The following THSD4 variants were observed in gnomAD, a reference collection of about 807,000 sequenced individuals.
THSD4 encodes thrombospondin type-1 domain-containing protein 4.
A neutral mutation model predicts 119.0 loss-of-function variants in THSD4; 69 were observed. That is an observed-to-expected ratio of 0.58 (90% confidence interval 0.48 to 0.71). The LOEUF is 0.71. Among genes scored for constraint, THSD4 ranks in the 30% least tolerant of loss-of-function variants. The pLI, the probability that THSD4 is intolerant of heterozygous loss-of-function variation, is 0.00. For synonymous variants in THSD4, 524 were observed against 540.4 expected, an observed-to-expected ratio of 0.97 and a Z score of 0.42; for missense variants, 1,393 against 1,391.1, an observed-to-expected ratio of 1.00 and a Z score of -0.02.
chr15:71,384,941 C>A (rs1197012577), intron 6 of THSD4, among the ~76,000 whole-genome samples: 1 of 152,196 alleles, frequency 6.6e-6, no homozygotes, highest in Non-Finnish European at 1.5e-5. Context: ...AATGATTTTT[C>A]TTTACCTAAA....
chr15:71,272,246 CAA>C (rs2044538872), intron 6 of THSD4, among the ~76,000 whole-genome samples: 3 of 151,236 alleles, frequency 2.0e-5, no homozygotes, highest in African/African-American at 7.3e-5. Flanking sequence ...AGTAAAAATA[CAA>C]AAATTAGCCA....
chr15:71,136,387 G>A (rs2040552509), intron 1 of THSD4, among the ~76,000 whole-genome samples: 1 of 152,132 alleles, frequency 6.6e-6, no homozygotes, highest in Admixed American at 6.5e-5. Context: ...GGACAGGAGA[G>A]CATATTGGTG....
chr15:71,570,469 C>T (rs765762214), intron 7 of THSD4, among the ~76,000 whole-genome samples: 13 of 151,642 alleles, frequency 8.6e-5, no homozygotes, highest in Non-Finnish European at 1.6e-4. Context: ...TACAGTGGCG[C>T]CATCTAGGCT....
At chr15:71,727,517 A>G (rs1339332502) in intron 8 of THSD4, among the ~76,000 whole-genome samples, 5 of 142,934 alleles carry the variant, frequency 3.5e-5, no homozygotes, top group Non-Finnish European at 7.5e-5. Context: ...GCAACATGGC[A>G]AAACCCCATC....
At chr15:71,683,299 A>G (rs959445123) in intron 8 of THSD4, among the ~76,000 whole-genome samples, 3 of 151,948 alleles carry the variant, frequency 2.0e-5, no homozygotes, top group African/African-American at 7.3e-5. Context: ...TGTCATATGT[A>G]AGGAAAAAAA....
At chr15:71,165,570 T>C (rs1161038017) in intron 3 of THSD4, among the ~76,000 whole-genome samples, 5 of 152,282 alleles carry the variant, frequency 3.3e-5, no homozygotes, top group South Asian at 2.1e-4. Context: ...GCCTTTTTCC[T>C]GTAAATGGAT....
chr15:71,670,764 C>A (rs2051509680), intron 8 of THSD4, among the ~76,000 whole-genome samples: 1 of 151,908 alleles, frequency 6.6e-6, no homozygotes, highest in African/African-American at 2.4e-5. Context: ...TCTGTCCTTG[C>A]AATAGTTTGC....
At chr15:71,633,371 G>C (rs758324368) in intron 7 of THSD4, among the ~76,000 whole-genome samples, 1 of 148,106 alleles carries the variant, frequency 6.8e-6, no homozygotes, top group Non-Finnish European at 1.5e-5. Context: ...GACCTACTGG[G>C]TTCAAGCCAT....
intron 7 of THSD4, among the ~76,000 whole-genome samples, chr15:71,437,631 C>A (rs901325164): frequency 1.3e-5 from 2 of 152,106 alleles, no homozygotes; most frequent in Non-Finnish European, 2.9e-5. Context: ...TGTTAAAGTG[C>A]TATATTTTCG....
In THSD4 at chr15:71,666,093, C is replaced by A. The variant is rs2051412354; in HGVS notation, c.1357+5359C>A. 3.9e-5 allele frequency among the ~76,000 whole-genome samples: 6 copies of A among 152,184 alleles called. No individual in the cohort carries two copies. The South Asian group carries it at 1.2e-3, about 32-fold the overall frequency. On this transcript the variant is annotated intron_variant, in intron 8 of 17. Transcript: ENST00000261862. ...CATTGAATCTGTAAATTGCTTTGGG[C>A]AGTATAGCCATTTTAATGATATTGG... is the stretch of plus-strand genomic sequence containing the variant.
chr15:71,127,984 G>C (rs372593614), intron 1 of THSD4, among the ~76,000 whole-genome samples: 3 of 152,042 alleles, frequency 2.0e-5, no homozygotes, highest in Admixed American at 2.0e-4. Flanking sequence ...CCAGGCCAGC[G>C]TCTTGTAGTA....
Position 71,737,788 on chromosome 15 carries a change from C to T in THSD4, c.1687C>T (p.Gln563Ter). The T allele has an allele frequency of 6.2e-7, 1 of 1,614,022 alleles. No individual in the cohort carries two copies. The change falls in exon 11 of 18, where the codon CAG becomes TAG. Residue 563 changes from glutamine (Q) to a stop codon, truncating the protein, a stop_gained. Transcript: ENST00000261862. LOFTEE classifies it high-confidence loss of function. ...TEGRSQEEGE[Q>*]KGRNEEKEDL... ...AGGCAGGAGCCAGGAGGAGGGAGAA[C>T]AGAAAGGGAGGAACGAGGAGAAGGA...
chr15:71,741,350 G>A (rs1052983138), intron 11 of THSD4, among the ~76,000 whole-genome samples: 3 of 152,000 alleles, frequency 2.0e-5, no homozygotes, highest in Non-Finnish European at 2.9e-5. Flanking sequence ...AAAATTATCT[G>A]GGCATGGTGA....
chr15:71,199,603 GGT>G (rs1414717826), intron 3 of THSD4, among the ~76,000 whole-genome samples: 1 of 129,664 alleles, frequency 7.7e-6, no homozygotes, highest in Non-Finnish European at 1.6e-5. Context: ...TGTGATGTAT[GGT>G]GTGTGTGGTG....
intron 11 of THSD4, among the ~76,000 whole-genome samples, chr15:71,740,373 G>A (rs146475653): frequency 6.3e-4 from 96 of 152,268 alleles, no homozygotes; most frequent in African/African-American, 2.1e-3. Flanking sequence ...TCTACCTTTA[G>A]GTAATGTGTG....
intron 1 of THSD4, among the ~76,000 whole-genome samples, chr15:71,097,996 C>CA (rs1168377066): frequency 6.6e-6 from 1 of 151,856 alleles, no homozygotes; most frequent in Non-Finnish European, 1.5e-5. Flanking sequence ...TTCACAGGGA[C>CA]AATACACTTG....
chr15:71,709,105 C>T lies in THSD4; in HGVS notation c.1358-19444C>T, dbSNP rs116899949. On this transcript the variant is annotated intron_variant, in intron 8 of 17. Transcript: ENST00000261862. ...ATACTAACCATGTGGTTTGGGGGCACGCCTATTCTTTGCTCTAAAACTAGC... is the reference window on the plus strand; with the variant it reads ...ATACTAACCATGTGGTTTGGGGGCATGCCTATTCTTTGCTCTAAAACTAGC... 5.3e-5 allele frequency among the ~76,000 whole-genome samples: 8 copies of T among 152,294 alleles called. No homozygotes were observed. The East Asian group carries it at 9.6e-4, about 18-fold the overall frequency.
chr15:71,370,859 G>C (rs2046036068), intron 6 of THSD4, among the ~76,000 whole-genome samples: 1 of 152,180 alleles, frequency 6.6e-6, no homozygotes, highest in African/African-American at 2.4e-5. Context: ...TCGTCGATCT[G>C]TCTGATGTTG....
At chr15:71,193,768 C>T (rs562731837) in intron 3 of THSD4, among the ~76,000 whole-genome samples, 22 of 152,202 alleles carry the variant, frequency 1.4e-4, no homozygotes, top group South Asian at 6.2e-4. Context: ...AGTGCAGTGG[C>T]GTGATCTCGG....
Sources: gnomAD v4.1 joint callset for allele counts (sites outside exome capture counted in the v4.1 genomes callset) on GRCh38, gnomAD v4.1.1 for gene constraint, MANE v1.5 for transcripts, NCBI Gene and HGNC (gene_info 2026-07-23, HGNC 2026-07-21) for gene names.